The following DOCK9 variants were observed in gnomAD, a reference collection of about 807,000 sequenced individuals.
The protein encoded by DOCK9 is dedicator of cytokinesis 9, also known as dedicator of cytokinesis protein 9.
Under a neutral mutation model 263.3 loss-of-function variants are expected in DOCK9, and 89 were observed. The observed-to-expected ratio is 0.34, with a 90% CI of 0.28 to 0.40. The LOEUF (loss-of-function observed/expected upper bound fraction) is 0.40. DOCK9 is among the 10% of genes least tolerant of loss of function. The pLI, the probability that DOCK9 is intolerant of heterozygous loss-of-function variation, is 1.00. For missense variants in DOCK9, 2,140 were observed against 2,603.4 expected, an observed-to-expected ratio of 0.82 and a Z score of 3.87; for synonymous variants, 976 against 973.1, an observed-to-expected ratio of 1.00 and a Z score of -0.06.
intron 1 of DOCK9, among the ~76,000 whole-genome samples, chr13:99,056,292 G>T (rs1274916720): frequency 2.1e-5 from 3 of 144,514 alleles, no homozygotes; most frequent in African/African-American, 5.1e-5. Flanking sequence ...ATCATTGCTT[G>T]TTTGACATTG....
chr13:98,868,195 C>T (rs1235808726), intron 28 of DOCK9, 36 bp downstream of exon 28: 4 of 1,611,126 alleles, frequency 2.5e-6, no homozygotes, highest in Non-Finnish European at 3.4e-6. Context: ...ACATCTTTGT[C>T]CCATAACTGA....
intron 1 of DOCK9, chr13:99,015,616 G>T (rs776796067): frequency 6.3e-7 from 1 of 1,581,316 alleles, no homozygotes; most frequent in Middle Eastern, 1.7e-4. Context: ...CATCCCCAAG[G>T]TGTGGATGTT....
chr13:98,868,668 T>C (rs1198560985), intron 27 of DOCK9, among the ~76,000 whole-genome samples: 2 of 152,164 alleles, frequency 1.3e-5, no homozygotes, highest in Non-Finnish European at 2.9e-5. Context: ...GGTGGTAGGA[T>C]TGCTGGAGCC....
intron 1 of DOCK9, among the ~76,000 whole-genome samples, chr13:99,078,619 G>A (rs1280549081): frequency 6.6e-6 from 1 of 152,126 alleles, no homozygotes; most frequent in Non-Finnish European, 1.5e-5. Context: ...AATAGCCAAG[G>A]GCAGAGCCTG....
intron 40 of DOCK9, 25 bp downstream of exon 40, chr13:98,831,624 A>T (rs772258729): frequency 6.2e-7 from 1 of 1,609,696 alleles, no homozygotes; most frequent in Admixed American, 1.7e-5. Context: ...GAAAACATCT[A>T]ACCACTGCCC....
At chr13:98,856,945 T>C (rs1461784364) in intron 33 of DOCK9, 1 of 152,168 alleles carries the variant, frequency 6.6e-6, no homozygotes, top group Non-Finnish European at 1.5e-5. Flanking sequence ...GGAAATCTAA[T>C]GTGGAAATAA....
At chr13:98,809,587 ATTTTGGCTG>A in intron 46 of DOCK9, 122 bp from the exon 47 acceptor site, 1 of 775,960 alleles carries the variant, frequency 1.3e-6, no homozygotes, top group Non-Finnish European at 2.0e-6. Context: ...ACACACACAC[ATTTTGGCTG>A]CACAACTTGT....
At position 98,867,437 on chromosome 13, in the gene DOCK9, G is replaced by T; in HGVS notation, c.3274C>A (p.Gln1092Lys). The T allele has an allele frequency of 6.3e-7, 1 of 1,591,646 alleles. No individual in the cohort carries two copies. The highest frequency in any genetic ancestry group is 8.6e-7 in the Non-Finnish European group (1 of 1,161,596). ...AAAGATGGATTACCTTGGTATCTTT[G>T]AATCCTGCCTTTTCCAAATGGCATT... ...LPMPFGKGRI[Q>K]RYQDLQLDYS... Residue 1092 changes from glutamine to lysine, a missense_variant, in exon 30 of 53, where the codon CAA becomes AAA. By Grantham distance (53) the Gln-to-Lys change is moderately conservative. Coordinates refer to ENST00000682017, the MANE Select transcript of DOCK9 (RefSeq NM_001366683.2).
intron 49 of DOCK9, among the ~76,000 whole-genome samples, chr13:98,802,480 T>A (rs1293631872): frequency 6.6e-6 from 1 of 152,118 alleles, no homozygotes; most frequent in Non-Finnish European, 1.5e-5. Flanking sequence ...TGACTGCTGG[T>A]CTGTGTGTCT....
chr13:99,041,416 G>A (rs540046908), intron 1 of DOCK9, among the ~76,000 whole-genome samples: 3 of 151,830 alleles, frequency 2.0e-5, no homozygotes, highest in South Asian at 2.1e-4. Context: ...CCTGGAGGTC[G>A]AGGCTGCAGT....
chr13:98,972,629 G>A (rs964937020), intron 1 of DOCK9, among the ~76,000 whole-genome samples: 1 of 152,220 alleles, frequency 6.6e-6, no homozygotes, highest in Non-Finnish European at 1.5e-5. Flanking sequence ...GGAGCCTCAT[G>A]TAACACTGAT....
chr13:98,894,921 C>A (rs1207229737), intron 15 of DOCK9, among the ~76,000 whole-genome samples: 1 of 110,746 alleles, frequency 9.0e-6, no homozygotes, highest in Non-Finnish European at 1.7e-5. Flanking sequence ...CCAGCCTGGG[C>A]AAGATGGTGA....
At chr13:98,903,333 C>A (rs1412295023) in intron 10 of DOCK9, among the ~76,000 whole-genome samples, 1 of 152,088 alleles carries the variant, frequency 6.6e-6, no homozygotes, top group Non-Finnish European at 1.5e-5. Flanking sequence ...GTGGCTCACG[C>A]CTGTAATTCC....
rs1372369581 is a variant in DOCK9, at chr13:98,942,240, T to G, written c.244-11983A>C. Among the ~76,000 whole-genome samples, 70 of 149,570 alleles carry G rather than the reference T, an allele frequency of 4.7e-4. No individual in the cohort carries two copies. The South Asian group carries it at 4.9e-3, about 11-fold the overall frequency. On this transcript the variant is annotated intron_variant, in intron 2 of 52. Coordinates refer to ENST00000682017, the MANE Select transcript of DOCK9 (RefSeq NM_001366683.2). ...GTTATGTTTTTTTTTTTGTTGTTTT[T>G]TTTTTTTGTTTTTTTGAGACAGAGT...
chr13:98,895,423 T>C (rs1248783088), intron 15 of DOCK9, among the ~76,000 whole-genome samples: 1 of 152,114 alleles, frequency 6.6e-6, no homozygotes, highest in East Asian at 1.9e-4. Context: ...TCCCAGCACT[T>C]TGGGAGGCTG....
rs1421238540 is a variant in DOCK9, at chr13:98,868,323, C to T, written c.2998G>A (p.Val1000Ile). The T allele has an allele frequency of 6.2e-7, 1 of 1,613,776 alleles. No individual in the cohort carries two copies. The highest frequency in any genetic ancestry group is 8.5e-7 in the Non-Finnish European group (1 of 1,179,858). The change falls in exon 28 of 53, where the codon GTA becomes ATA. Residue 1000 changes from valine to isoleucine, a missense_variant. This residue lies in a region of DOCK9 where 1,521 missense variants were observed against 1,741.7 expected (regional missense o/e 0.87). Coordinates refer to ENST00000682017, the MANE Select transcript of DOCK9 (RefSeq NM_001366683.2). Reference protein sequence around the residue: ...ASYHHAVETVVNMLMPHITQK... With the variant: ...ASYHHAVETVINMLMPHITQK... ...GTGATGTGTGGCATCAGCATATTTA[C>T]AACGGTTTCCACTGCATGATGATAG...
At position 98,829,752 on chromosome 13, in the gene DOCK9, A is replaced by G; in HGVS notation, c.4640T>C (p.Ile1547Thr). Residue 1547 changes from isoleucine to threonine, a missense_variant, in exon 42 of 53, where the codon ATC becomes ACC. This residue lies in a region of DOCK9 where 619 missense variants were observed against 861.8 expected (regional missense o/e 0.72). Coordinates refer to ENST00000682017, the MANE Select transcript of DOCK9 (RefSeq NM_001366683.2). This position sits in a 1 kb window ranked among gnomAD's most constrained non-coding sequence, Gnocchi z 4.1. ...TGCTATCAGCTGGCTGACAGATATG[A>G]TGACCTTAGGGACACACAAACATGA... ...KSFVRTHLQV[I>T]ISVSQLIADV... The G allele has an allele frequency of 6.2e-7, 1 of 1,603,392 alleles. No individual in the cohort carries two copies. The highest frequency in any genetic ancestry group is 1.1e-5 in the South Asian group (1 of 88,656).
At chr13:98,806,768 G>T (rs1287376399) in intron 48 of DOCK9, among the ~76,000 whole-genome samples, 2 of 152,012 alleles carry the variant, frequency 1.3e-5, no homozygotes. Flanking sequence ...AATTAGCCAG[G>T]CGTGGTGGCG....
At chr13:99,019,506 T>C (rs1885822203) in intron 1 of DOCK9, among the ~76,000 whole-genome samples, 1 of 152,098 alleles carries the variant, frequency 6.6e-6, no homozygotes, top group Non-Finnish European at 1.5e-5. Flanking sequence ...CTCCCTCTTA[T>C]GACACCAACA....
Sources: gnomAD v4.1 joint callset for allele counts (sites outside exome capture counted in the v4.1 genomes callset) on GRCh38, gnomAD v4.1.1 for gene constraint, gnomAD v4.1.1 regional missense constraint, Gnocchi (gnomAD v3.1) non-coding constraint, MANE v1.5 for transcripts, NCBI Gene and HGNC (gene_info 2026-07-23, HGNC 2026-07-21) for gene names.